Variants in KLHL29 observed in about 807,000 individuals in gnomAD.
KLHL29 encodes the protein kelch like family member 29, also known as kelch-like protein 29.
In KLHL29, 21 loss-of-function variants were observed where a neutral mutation model predicts 80.4. The ratio of observed to expected loss-of-function variants is 0.26; its 90% CI spans 0.19 to 0.38. KLHL29 has a LOEUF of 0.38. Ranked by LOEUF, KLHL29 falls within the 10% of genes least tolerant of loss-of-function variation. The pLI, the probability that KLHL29 is intolerant of heterozygous loss-of-function variation, is 1.00. For missense variants in KLHL29, 867 were observed against 1,223.9 expected (o/e 0.71, Z 4.35); for synonymous variants, 511 against 526.8 (o/e 0.97, Z 0.41).
chr2:23,455,295 C>T (rs561219922), intron 1 of KLHL29, among the ~76,000 whole-genome samples: 123 of 152,192 alleles, frequency 8.1e-4, no homozygotes, highest in Middle Eastern at 3.4e-3. Flanking sequence ...TTATAAATAC[C>T]GTGTATTATG....
intron 11 of KLHL29, among the ~76,000 whole-genome samples, chr2:23,698,227 C>A (rs1672106253): frequency 1.3e-5 from 2 of 152,034 alleles, no homozygotes; most frequent in Admixed American, 6.6e-5. Context: ...AGATGAAGGA[C>A]AAAAGGGTGC....
At chr2:23,598,068 A>G (rs774365279) in intron 3 of KLHL29, among the ~76,000 whole-genome samples, 1 of 152,184 alleles carries the variant, frequency 6.6e-6, no homozygotes, top group Non-Finnish European at 1.5e-5. Flanking sequence ...CTGAAGTTCA[A>G]GGGTTTGGAA....
intron 1 of KLHL29, among the ~76,000 whole-genome samples, chr2:23,425,432 T>A (rs1167039468): frequency 6.6e-6 from 1 of 152,108 alleles, no homozygotes; most frequent in Non-Finnish European, 1.5e-5. Flanking sequence ...AGCAAATACC[T>A]CTCTCTCCAG....
At chr2:23,621,309 C>T (rs757799517) in intron 3 of KLHL29, among the ~76,000 whole-genome samples, 2 of 152,222 alleles carry the variant, frequency 1.3e-5, no homozygotes, top group Non-Finnish European at 2.9e-5. Flanking sequence ...TGCTGACTTC[C>T]ATCTGCTGAT....
At chr2:23,622,754 A>G (rs1473782493) in intron 3 of KLHL29, among the ~76,000 whole-genome samples, 3 of 152,248 alleles carry the variant, frequency 2.0e-5, no homozygotes, top group African/African-American at 7.2e-5. Flanking sequence ...TGCATGGGTA[A>G]TAACACAGGG....
At position 23,681,465 on chromosome 2, in the gene KLHL29, A is replaced by C. The variant is rs1671081334; in HGVS notation, c.941-2934A>C. Among the ~76,000 whole-genome samples, 1 of 152,176 alleles carries C rather than the reference A, an allele frequency of 6.6e-6. No homozygotes were observed. Among genetic ancestry groups the C allele is most frequent in the Non-Finnish European group, 1.5e-5 (1 of 68,036 alleles). ...ATCATTGCCGGGACCTCGATTTGAAAGGAAGGTCTTCAGAAACCCTCAGGA... is the reference window on the plus strand; with the variant it reads ...ATCATTGCCGGGACCTCGATTTGAACGGAAGGTCTTCAGAAACCCTCAGGA... On this transcript the variant is annotated intron_variant, in intron 5 of 13. Transcript: ENST00000486442. This position sits in a 1 kb window ranked among gnomAD's most constrained non-coding sequence, Gnocchi z 4.2.
At chr2:23,576,667 G>C (rs1667851412) in intron 3 of KLHL29, among the ~76,000 whole-genome samples, 1 of 152,244 alleles carries the variant, frequency 6.6e-6, no homozygotes, top group African/African-American at 2.4e-5. Flanking sequence ...CACAGGGGAA[G>C]TCTGCATCTG....
chr2:23,625,571 G>A (rs1442004052), intron 3 of KLHL29, among the ~76,000 whole-genome samples: 1 of 152,240 alleles, frequency 6.6e-6, no homozygotes, highest in Non-Finnish European at 1.5e-5. Flanking sequence ...AGTCAGGTCT[G>A]TGGGTGCCTG....
intron 2 of KLHL29, among the ~76,000 whole-genome samples, chr2:23,552,561 G>C (rs567067523): frequency 6.6e-6 from 1 of 152,072 alleles, no homozygotes; most frequent in East Asian, 1.9e-4. Flanking sequence ...TCTGCCAGAC[G>C]TTCTTCCCTC....
At chr2:23,476,505 CG>C (rs942884410) in intron 2 of KLHL29, among the ~76,000 whole-genome samples, 1 of 151,914 alleles carries the variant, frequency 6.6e-6, no homozygotes, top group Non-Finnish European at 1.5e-5. Flanking sequence ...GGGTACTGTT[CG>C]GGGGGCATGT....
intron 2 of KLHL29, among the ~76,000 whole-genome samples, chr2:23,495,454 G>T (rs1665233946): frequency 6.6e-6 from 1 of 152,180 alleles, no homozygotes; most frequent in Admixed American, 6.5e-5. Context: ...ATTCCCATTT[G>T]TTTTCATGAA....
chr2:23,458,605 C>T (rs570720757), intron 1 of KLHL29, among the ~76,000 whole-genome samples: 1 of 152,332 alleles, frequency 6.6e-6, no homozygotes, highest in Admixed American at 6.5e-5. Flanking sequence ...CATAGCTCTA[C>T]AGCCAGGATG....
chr2:23,535,118 A>T (rs902281761), intron 2 of KLHL29, among the ~76,000 whole-genome samples: 5 of 152,274 alleles, frequency 3.3e-5, no homozygotes, highest in African/African-American at 4.8e-5. Context: ...TAATTTTTTT[A>T]AAATGTGGCC....
At chr2:23,428,811 C>G (rs1257784846) in intron 1 of KLHL29, among the ~76,000 whole-genome samples, 2 of 152,178 alleles carry the variant, frequency 1.3e-5, no homozygotes, top group African/African-American at 4.8e-5. Flanking sequence ...GCCGTTGGCT[C>G]CCCCAACAGA....
At chr2:23,703,069 G>C (rs1235965282) in intron 11 of KLHL29, 117 bp from the exon 12 acceptor site, 2 of 682,324 alleles carry the variant, frequency 2.9e-6, no homozygotes, top group African/African-American at 3.8e-5. Context: ...TGTGATCTCA[G>C]GCTATGCTGG....
chr2:23,507,019 T>A (rs1474918300), intron 2 of KLHL29: 1 of 359,752 alleles, frequency 2.8e-6, no homozygotes, highest in Non-Finnish European at 6.2e-6. Flanking sequence ...TTTTATAGAA[T>A]GCAGAAAAGC....
chr2:23,412,688 C>T (rs2103396142), intron 1 of KLHL29, among the ~76,000 whole-genome samples: 1 of 152,244 alleles, frequency 6.6e-6, no homozygotes, highest in East Asian at 1.9e-4. Context: ...GCACCTGGGC[C>T]TGGACAAAAA....
At chr2:23,522,404 C>G (rs1296154901) in intron 2 of KLHL29, among the ~76,000 whole-genome samples, 1 of 152,148 alleles carries the variant, frequency 6.6e-6, no homozygotes, top group African/African-American at 2.4e-5. Flanking sequence ...CCTGCCTCAG[C>G]CTCCCAAAGT....
intron 4 of KLHL29, among the ~76,000 whole-genome samples, chr2:23,640,480 C>T (rs1195343742): frequency 6.6e-6 from 1 of 152,162 alleles, no homozygotes. Context: ...TCCAGGCTCT[C>T]TGGCTAATCC....
Sources: gnomAD v4.1 joint callset for allele counts (sites outside exome capture counted in the v4.1 genomes callset) on GRCh38, gnomAD v4.1.1 for gene constraint, Gnocchi (gnomAD v3.1) non-coding constraint, MANE v1.5 for transcripts, NCBI Gene and HGNC (gene_info 2026-07-23, HGNC 2026-07-21) for gene names.